Variants in CNTNAP2 observed in about 807,000 individuals in gnomAD.
CNTNAP2 encodes contactin associated protein 2, also known as contactin-associated protein-like 2.
CNTNAP2 carries 98 observed loss-of-function variants against 155.2 expected under a neutral mutation model. That is an observed-to-expected ratio of 0.63 (90% confidence interval 0.54 to 0.75). The LOEUF (loss-of-function observed/expected upper bound fraction) is 0.75, where lower values mean the gene tolerates loss of function less well. Among genes scored for constraint, CNTNAP2 ranks in the 30% least tolerant of loss-of-function variants. The pLI is 0.00. For missense variants in CNTNAP2, 1,727 were observed against 1,688.1 expected, an observed-to-expected ratio of 1.02 and a Z score of -0.40; for synonymous variants, 651 against 631.2, an observed-to-expected ratio of 1.03 and a Z score of -0.47.
rs887804729 is a variant in CNTNAP2, at chr7:146,480,970, G to A, written c.98-293301G>A. Among the ~76,000 whole-genome samples the A allele has an allele frequency of 1.3e-4, 19 of 151,804 alleles. No homozygotes were observed. The South Asian group carries it at 1.9e-3, about 15-fold the overall frequency. On this transcript the variant is annotated intron_variant, in intron 1 of 23. Transcript: ENST00000361727. ...GCTGGTACCACAGGCATGAGCCACC[G>A]CGCCCGGCCCCCAGAACCTGGTATA...
chr7:146,469,518 C>CT (rs544057518), intron 1 of CNTNAP2, among the ~76,000 whole-genome samples: 5,672 of 128,906 alleles, frequency 0.044, 199 homozygotes, highest in African/African-American at 0.092. Context: ...TAATAATTGA[C>CT]TTTTTTTTTT....
chr7:147,329,386 A>C (rs187326609), intron 9 of CNTNAP2, among the ~76,000 whole-genome samples: 2 of 152,122 alleles, frequency 1.3e-5, no homozygotes, highest in Admixed American at 1.3e-4. Context: ...ACATTCTTGT[A>C]ATTTATATAT....
chr7:146,900,390 T>A (rs1036668899), intron 3 of CNTNAP2, among the ~76,000 whole-genome samples: 2 of 152,262 alleles, frequency 1.3e-5, no homozygotes, highest in Admixed American at 6.5e-5. Flanking sequence ...CCTGACCATC[T>A]GCAAGTCAAT....
intron 1 of CNTNAP2, among the ~76,000 whole-genome samples, chr7:146,513,290 A>G (rs1797494671): frequency 6.6e-6 from 1 of 151,958 alleles, no homozygotes; most frequent in Non-Finnish European, 1.5e-5. Flanking sequence ...TTTTCCATTT[A>G]CATTCAATGT....
At chr7:148,382,955 A>G (rs374933137) in intron 21 of CNTNAP2, among the ~76,000 whole-genome samples, 2 of 152,232 alleles carry the variant, frequency 1.3e-5, no homozygotes, top group African/African-American at 2.4e-5. Context: ...GCCTCTACTC[A>G]GTCTCACCTC....
chr7:147,709,543 A>G (rs796508563), intron 13 of CNTNAP2, among the ~76,000 whole-genome samples: 3 of 152,318 alleles, frequency 2.0e-5, no homozygotes, highest in African/African-American at 7.2e-5. Flanking sequence ...AAATATGAGA[A>G]ATAGCACTTA....
chr7:147,325,236 G>T (rs546766074), intron 9 of CNTNAP2, among the ~76,000 whole-genome samples: 33 of 152,232 alleles, frequency 2.2e-4, no homozygotes, highest in African/African-American at 7.7e-4. Context: ...GGAGGTGGAG[G>T]TTGCAGTGAG....
At chr7:147,388,341 A>T (rs1796655563) in intron 9 of CNTNAP2, among the ~76,000 whole-genome samples, 1 of 152,166 alleles carries the variant, frequency 6.6e-6, no homozygotes, top group Non-Finnish European at 1.5e-5. Flanking sequence ...TCATTTCTCC[A>T]AGGAGTCTTG....
At chr7:146,605,573 A>G (rs1482651834) in intron 1 of CNTNAP2, among the ~76,000 whole-genome samples, 1 of 152,214 alleles carries the variant, frequency 6.6e-6, no homozygotes, top group Non-Finnish European at 1.5e-5. Flanking sequence ...GAAATAAGAG[A>G]GGTATGTAAA....
intron 1 of CNTNAP2, among the ~76,000 whole-genome samples, chr7:146,712,299 G>A (rs1801103806): frequency 8.1e-6 from 1 of 124,102 alleles, no homozygotes; most frequent in Non-Finnish European, 1.7e-5. Context: ...CATATCTTAT[G>A]TATACTATAT....
At chr7:148,155,048 G>C (rs1220209459) in intron 17 of CNTNAP2, among the ~76,000 whole-genome samples, 1 of 152,150 alleles carries the variant, frequency 6.6e-6, no homozygotes, top group Non-Finnish European at 1.5e-5. Flanking sequence ...AATGCTGACT[G>C]AGACACCCCG....
At chr7:148,048,274 G>A (rs2707564) in intron 15 of CNTNAP2, among the ~76,000 whole-genome samples, 150,880 of 152,294 alleles carry the variant, frequency 0.99, 74,747 homozygotes, top group East Asian at 1. Flanking sequence ...TGATCAACTC[G>A]AGAACCACAT....
At chr7:148,182,135 G>A (rs1432749382) in intron 18 of CNTNAP2, among the ~76,000 whole-genome samples, 1 of 152,090 alleles carries the variant, frequency 6.6e-6, no homozygotes, top group Non-Finnish European at 1.5e-5. Context: ...ATTTGTATAT[G>A]TTGTTGAGTG....
chr7:146,440,732 C>G (rs945758202), intron 1 of CNTNAP2, among the ~76,000 whole-genome samples: 5 of 151,616 alleles, frequency 3.3e-5, no homozygotes, highest in South Asian at 2.1e-4. Flanking sequence ...TTTCCCAAAT[C>G]TTTTATACCA....
At chr7:146,126,492 T>A (rs1219022563) in intron 1 of CNTNAP2, among the ~76,000 whole-genome samples, 1 of 152,242 alleles carries the variant, frequency 6.6e-6, no homozygotes, top group Non-Finnish European at 1.5e-5. Context: ...AGTTCTATCA[T>A]TTGAGTACTA....
chr7:147,280,245 G>C (rs957697564), intron 8 of CNTNAP2, among the ~76,000 whole-genome samples: 1 of 151,924 alleles, frequency 6.6e-6, no homozygotes, highest in South Asian at 2.1e-4. Flanking sequence ...GAACGGGCTG[G>C]GAATAAATAA....
At chr7:148,043,615 A>G (rs1336421694) in intron 15 of CNTNAP2, among the ~76,000 whole-genome samples, 2 of 152,106 alleles carry the variant, frequency 1.3e-5, no homozygotes, top group African/African-American at 2.4e-5. Flanking sequence ...GAACTTTTCT[A>G]TTTCTCTCCC....
At chr7:146,751,574 A>C (rs1337390623) in intron 1 of CNTNAP2, among the ~76,000 whole-genome samples, 3 of 152,050 alleles carry the variant, frequency 2.0e-5, no homozygotes, top group Non-Finnish European at 4.4e-5. Context: ...AGGCTACTAA[A>C]TCTTACATTT....
At chr7:146,247,496 T>C (rs1424264903) in intron 1 of CNTNAP2, among the ~76,000 whole-genome samples, 2 of 151,964 alleles carry the variant, frequency 1.3e-5, no homozygotes, top group Non-Finnish European at 1.5e-5. Flanking sequence ...GGGTTGGGAC[T>C]GAGGGGACAG....
Sources: allele counts gnomAD v4.1 joint callset (sites outside exome capture counted in the v4.1 genomes callset), GRCh38; gene constraint gnomAD v4.1.1; transcripts MANE v1.5; gene names NCBI Gene and HGNC (gene_info 2026-07-23, HGNC 2026-07-21).